NRXN1: variants seen among roughly 807,000 people sequenced by gnomAD.
NRXN1 encodes the protein neurexin 1, also known as neurexin-1.
A neutral mutation model predicts 150.9 loss-of-function variants in NRXN1; 39 were observed. The ratio of observed to expected loss-of-function variants is 0.26; its 90% CI spans 0.20 to 0.34. NRXN1 has a LOEUF of 0.34. Ranked by LOEUF, NRXN1 falls within the 10% of genes least tolerant of loss-of-function variation. The pLI is 1.00. For synonymous variants in NRXN1, 924 were observed against 757.0 expected (o/e 1.22, Z -3.62); for missense variants, 1,815 against 1,949.9 (o/e 0.93, Z 1.30).
At chr2:50,952,843 T>C (rs1424468616) in intron 2 of NRXN1, among the ~76,000 whole-genome samples, 2 of 152,184 alleles carry the variant, frequency 1.3e-5, no homozygotes, top group Non-Finnish European at 2.9e-5. Context: ...CCTCCCATTT[T>C]ACATACGTTG....
intron 17 of NRXN1, among the ~76,000 whole-genome samples, chr2:50,313,744 G>A (rs1350837336): frequency 6.6e-6 from 1 of 152,060 alleles, no homozygotes; most frequent in East Asian, 1.9e-4. Flanking sequence ...GAAGACATCA[G>A]GATTGCTAGG....
intron 18 of NRXN1, among the ~76,000 whole-genome samples, chr2:50,118,367 G>T (rs890312316): frequency 1.3e-5 from 2 of 152,086 alleles, no homozygotes; most frequent in Non-Finnish European, 2.9e-5. Context: ...AAGATTCGTG[G>T]ATAGGGTCAG....
At chr2:50,386,447 G>T (rs2081332921) in intron 17 of NRXN1, among the ~76,000 whole-genome samples, 1 of 151,968 alleles carries the variant, frequency 6.6e-6, no homozygotes, top group Admixed American at 6.6e-5. Context: ...TTCAACTAAT[G>T]AGTCTTACAG....
At chr2:50,688,649 T>C (rs1691611498) in intron 5 of NRXN1, among the ~76,000 whole-genome samples, 1 of 152,206 alleles carries the variant, frequency 6.6e-6, no homozygotes, top group Admixed American at 6.5e-5. Flanking sequence ...GCATCCGTTA[T>C]CTTCTCAGGG....
chr2:50,165,420 C>G (rs1210540810), intron 18 of NRXN1, among the ~76,000 whole-genome samples: 1 of 152,204 alleles, frequency 6.6e-6, no homozygotes, highest in East Asian at 1.9e-4. Flanking sequence ...GCAATCTCAG[C>G]TCACCGCAAC....
intron 5 of NRXN1, among the ~76,000 whole-genome samples, chr2:50,692,650 T>C (rs1249728867): frequency 2.6e-5 from 4 of 152,190 alleles, no homozygotes; most frequent in African/African-American, 9.6e-5. Context: ...TCTCGTTAGA[T>C]TTGCCAGCAA....
chr2:50,293,127 C>A (rs139298188), intron 17 of NRXN1, among the ~76,000 whole-genome samples: 82 of 152,276 alleles, frequency 5.4e-4, no homozygotes, highest in Non-Finnish European at 9.4e-4. Flanking sequence ...TGGGAATCTG[C>A]ATGATTTTAT....
In NRXN1 at chr2:50,468,121, C is replaced by G. The variant is rs146139760; in HGVS notation, c.3245-2560G>C. On this transcript the variant is annotated intron_variant, in intron 16 of 22. Coordinates refer to ENST00000401669, the MANE Select transcript of NRXN1 (RefSeq NM_001330078.2). ...CCATTTTATCAAATAGCTATTTGCT[C>G]TCTGACCTGCACAGCAGAAGAAAAG... is the stretch of plus-strand genomic sequence containing the variant. 3.0e-3 allele frequency among the ~76,000 whole-genome samples: 460 copies of G among 151,736 alleles called. 1 individual carries two copies. Among genetic ancestry groups the G allele is most frequent in the Non-Finnish European group, 8.0e-4 (54 of 67,696 alleles).
At chr2:50,370,010 T>C (rs2079898485) in intron 17 of NRXN1, among the ~76,000 whole-genome samples, 2 of 151,900 alleles carry the variant, frequency 1.3e-5, no homozygotes, top group South Asian at 4.2e-4. Context: ...ATAAAAGAAA[T>C]TTACTCTATT....
At chr2:50,700,522 T>C (rs1398277763) in intron 5 of NRXN1, among the ~76,000 whole-genome samples, 1 of 152,210 alleles carries the variant, frequency 6.6e-6, no homozygotes, top group Non-Finnish European at 1.5e-5. Flanking sequence ...ATCTATTTGA[T>C]GATATTAAAC....
At chr2:50,856,956 C>T (rs1675361929) in intron 5 of NRXN1, among the ~76,000 whole-genome samples, 1 of 152,020 alleles carries the variant, frequency 6.6e-6, no homozygotes, top group African/African-American at 2.4e-5. Context: ...ATCCAGTGCT[C>T]CAGATACCAC....
chr2:50,433,443 T>C (rs2104389162), intron 17 of NRXN1, among the ~76,000 whole-genome samples: 1 of 152,312 alleles, frequency 6.6e-6, no homozygotes, highest in East Asian at 1.9e-4. Flanking sequence ...TTACATAAAA[T>C]ACTATTTGGT....
chr2:50,300,384 C>A (rs1400807053), intron 17 of NRXN1, among the ~76,000 whole-genome samples: 1 of 152,120 alleles, frequency 6.6e-6, no homozygotes, highest in Non-Finnish European at 1.5e-5. Flanking sequence ...TATGGAAAAA[C>A]AGAGATACTA....
rs535640058 is a variant in NRXN1, at chr2:50,663,195, T to A, written c.833-39580A>T. ...TGTCCTTTTGCTCATTGAAACACCA[T>A]CCACATACTATACATATTTTTTCTG... On this transcript the variant is annotated intron_variant, in intron 5 of 22. Transcript: ENST00000401669. 6.6e-5 allele frequency among the ~76,000 whole-genome samples: 10 copies of A among 152,180 alleles called. No homozygotes were observed. The East Asian group carries it at 1.8e-3, about 27-fold the overall frequency.
intron 9 of NRXN1, among the ~76,000 whole-genome samples, chr2:50,548,371 G>A (rs2093540099): frequency 1.3e-5 from 2 of 152,268 alleles, no homozygotes; most frequent in South Asian, 4.1e-4. Flanking sequence ...TTGGAGGATG[G>A]TGTTGCATTC....
intron 17 of NRXN1, among the ~76,000 whole-genome samples, chr2:50,300,534 A>G (rs1362779110): frequency 6.6e-6 from 1 of 152,166 alleles, no homozygotes; most frequent in Non-Finnish European, 1.5e-5. Flanking sequence ...GCTGGCCACA[A>G]GGCCATACAA....
In NRXN1 at chr2:50,933,508, G is replaced by GA. The variant is rs368342252; in HGVS notation, c.773-7554dup. The stretch of plus-strand genomic sequence containing the variant: ...CTATACAAACTGCAATTCTCTTTTG[G>GA]AAAAAAAGTGTTTTGTGTTACAGAG... On this transcript the variant is annotated intron_variant, in intron 2 of 22. Coordinates refer to ENST00000401669, the MANE Select transcript of NRXN1 (RefSeq NM_001330078.2). Among the ~76,000 whole-genome samples the GA allele has an allele frequency of 3.3e-3, 504 of 151,908 alleles. 3 individuals carry two copies. The highest frequency in any genetic ancestry group is 0.011 in the African/African-American group (462 of 41,456).
rs1304772866 is a variant in NRXN1 at position 49,918,635 on chromosome 2, T to TC, written c.*3308dup. Reference sequence around the variant, plus strand: ...ACTAATACTGTATGAGTTTATGGTTTCTGGCATATCAAGATGAACAAATAT... The same window carrying TC: ...ACTAATACTGTATGAGTTTATGGTTTCCTGGCATATCAAGATGAACAAATAT... On this transcript the variant is annotated 3_prime_UTR_variant, in exon 23 of 23. Coordinates refer to ENST00000401669, the MANE Select transcript of NRXN1 (RefSeq NM_001330078.2). 4 of 152,108 alleles carry TC rather than the reference T, an allele frequency of 2.6e-5. No individual in the cohort carries two copies. The highest frequency in any genetic ancestry group is 9.7e-5 in the African/African-American group (4 of 41,444). The allele number at this position is 152,108 out of a possible 1,614,324, so 9.4% of individuals were successfully genotyped here.
At chr2:50,425,912 C>T (rs761540792) in intron 17 of NRXN1, among the ~76,000 whole-genome samples, 7 of 152,154 alleles carry the variant, frequency 4.6e-5, no homozygotes, top group Non-Finnish European at 8.8e-5. Context: ...ACAGAAAATA[C>T]AGGCTACTAA....
Sources: allele counts gnomAD v4.1 joint callset (sites outside exome capture counted in the v4.1 genomes callset), GRCh38; gene constraint gnomAD v4.1.1; transcripts MANE v1.5; gene names NCBI Gene and HGNC (gene_info 2026-07-23, HGNC 2026-07-21).